Variants in FBXO28 observed in about 807,000 individuals in gnomAD.
FBXO28 encodes the protein F-box only protein 28.
A neutral mutation model predicts 38.1 loss-of-function variants in FBXO28; 8 were observed. That is an observed-to-expected ratio of 0.21 (90% CI 0.12 to 0.38). The LOEUF is 0.38. Among genes scored for constraint, FBXO28 ranks in the 10% least tolerant of loss-of-function variants. FBXO28 has a pLI of 1.00. For missense variants in FBXO28, 345 were observed against 460.6 expected (o/e 0.75, Z 2.30); for synonymous variants, 168 against 173.8 (o/e 0.97, Z 0.26).
chr1:224,129,797 G>A (rs1302986235), intron 1 of FBXO28, among the ~76,000 whole-genome samples: 1 of 152,076 alleles, frequency 6.6e-6, no homozygotes, highest in Admixed American at 6.6e-5. Context: ...AGACCATCCT[G>A]GCTAACACAG....
intron 3 of FBXO28, 82 bp downstream of exon 3, chr1:224,134,294 A>G: frequency 7.2e-7 from 1 of 1,386,184 alleles, no homozygotes; most frequent in South Asian, 1.3e-5. Context: ...GATTTTAGAA[A>G]TGTTAGAATT....
chr1:224,157,754 T>C lies in FBXO28; in HGVS notation c.*8T>C. The C allele has an allele frequency of 6.3e-7, 1 of 1,588,490 alleles. No individual in the cohort carries two copies. Among genetic ancestry groups the C allele is most frequent in the South Asian group, 1.2e-5 (1 of 86,220 alleles). On this transcript the variant is annotated 3_prime_UTR_variant, in exon 5 of 5. Coordinates refer to ENST00000366862, the MANE Select transcript of FBXO28 (RefSeq NM_015176.4). Reference sequence around the variant, plus strand: ...CTTCGGAATAGAAAGTAAATTGGAATGTGGTTCTAGTTCCAGAGGAAGACA... The same window carrying C: ...CTTCGGAATAGAAAGTAAATTGGAACGTGGTTCTAGTTCCAGAGGAAGACA...
intron 1 of FBXO28, among the ~76,000 whole-genome samples, chr1:224,115,869 GA>G (rs1656632322): frequency 6.6e-6 from 1 of 152,106 alleles, no homozygotes; most frequent in Admixed American, 6.6e-5. Flanking sequence ...TAAGTGTTGA[GA>G]AAAACTGAGT....
chr1:224,133,183 CAG>C (rs1247524201), intron 2 of FBXO28, among the ~76,000 whole-genome samples: 5 of 152,134 alleles, frequency 3.3e-5, no homozygotes, highest in Non-Finnish European at 7.3e-5. Context: ...TCCAGAGAAA[CAG>C]AAAGTAGATT....
In FBXO28 at chr1:224,130,476, G is replaced by A; in HGVS notation, c.272G>A (p.Cys91Tyr). 1 of 1,611,024 alleles carries A rather than the reference G, an allele frequency of 6.2e-7. No homozygotes were observed. The highest frequency in any genetic ancestry group is 8.5e-7 in the Non-Finnish European group (1 of 1,177,502). The change falls in exon 2 of 5, where the codon TGT becomes TAT. Residue 91 changes from cysteine (C) to tyrosine (Y), a missense_variant. By Grantham distance (194) the Cys-to-Tyr change is radical. Transcript: ENST00000366862. ...TGTTCTTTTTTCTCCTTGAAGGTTTGTAAAAGAATGGACTTGGTCTGCCAG... is the reference window on the plus strand; with the variant it reads ...TGTTCTTTTTTCTCCTTGAAGGTTTATAAAAGAATGGACTTGGTCTGCCAG... ...YDEISQLRLV[C>Y]KRMDLVCQRM...
At chr1:224,129,677 AATGAG>A (rs1352719610) in intron 1 of FBXO28, among the ~76,000 whole-genome samples, 2 of 152,280 alleles carry the variant, frequency 1.3e-5, no homozygotes, top group Non-Finnish European at 2.9e-5. Flanking sequence ...TTAATTTCTT[AATGAG>A]ATATTTCAGA....
rs943948220 is a variant in FBXO28, at chr1:224,145,469, CA to C, written c.517-7671del. On this transcript the variant is annotated intron_variant, in intron 3 of 4. Coordinates refer to ENST00000366862, the MANE Select transcript of FBXO28 (RefSeq NM_015176.4). ...AAAGTCGGGATTTTCAAGAACCTAT[CA>C]ACATTAAAATGAGGACTTCTGTATA... Among the ~76,000 whole-genome samples, 59 of 152,120 alleles carry C rather than the reference CA, an allele frequency of 3.9e-4. 1 individual carries two copies. The highest frequency in any genetic ancestry group is 1.4e-3 in the African/African-American group (57 of 41,494).
At chr1:224,143,076 G>A (rs555923333) in intron 3 of FBXO28, among the ~76,000 whole-genome samples, 6 of 152,030 alleles carry the variant, frequency 3.9e-5, no homozygotes, top group African/African-American at 1.2e-4. Context: ...GCAAGCGTGC[G>A]GTGGTGCGGG....
At chr1:224,153,057 C>A in intron 3 of FBXO28, 85 bp from the exon 4 acceptor site, 1 of 1,044,334 alleles carries the variant, frequency 9.6e-7, no homozygotes, top group Non-Finnish European at 1.4e-6. Flanking sequence ...AATTGCAAAA[C>A]AAGCAGTTAC....
At chr1:224,156,739 C>T (rs1247589446) in intron 4 of FBXO28, among the ~76,000 whole-genome samples, 1 of 152,184 alleles carries the variant, frequency 6.6e-6, no homozygotes, top group Non-Finnish European at 1.5e-5. Flanking sequence ...GTGGCTCACG[C>T]CTGTAATCCC....
chr1:224,127,040 T>C (rs1008429875), intron 1 of FBXO28, among the ~76,000 whole-genome samples: 3 of 151,920 alleles, frequency 2.0e-5, no homozygotes, highest in Non-Finnish European at 4.4e-5. Flanking sequence ...CCACATGAAG[T>C]TCAGTACTGG....
chr1:224,157,855 C>G lies in FBXO28; in HGVS notation c.*109C>G. 1 of 1,453,818 alleles carries G rather than the reference C, an allele frequency of 6.9e-7. No homozygotes were observed. Among genetic ancestry groups the G allele is most frequent in the Non-Finnish European group, 9.0e-7 (1 of 1,107,292 alleles). The allele number at this position is 1,453,818 out of a possible 1,614,324, so 90.1% of individuals were successfully genotyped here. A position where few individuals can be genotyped will look rare whatever the true frequency, so the allele number is the denominator to read the frequency against. On this transcript the variant is annotated 3_prime_UTR_variant, in exon 5 of 5. Coordinates refer to ENST00000366862, the MANE Select transcript of FBXO28 (RefSeq NM_015176.4). ...GGTGTCCCTTAAGCTTCTAGGCTTT[C>G]AGAACACAACTTAAACTTGAACTCT...
At chr1:224,135,137 A>G (rs1272795875) in intron 3 of FBXO28, among the ~76,000 whole-genome samples, 1 of 152,188 alleles carries the variant, frequency 6.6e-6, no homozygotes, top group Admixed American at 6.5e-5. Flanking sequence ...ATCTTGTTGC[A>G]TACCAACACA....
chr1:224,131,435 A>G (rs1657040106), intron 2 of FBXO28, among the ~76,000 whole-genome samples: 1 of 152,226 alleles, frequency 6.6e-6, no homozygotes, highest in African/African-American at 2.4e-5. Flanking sequence ...GTACAGAGCT[A>G]TAGTAATCAA....
chr1:224,150,037 T>C (rs1425825239), intron 3 of FBXO28, among the ~76,000 whole-genome samples: 2 of 152,218 alleles, frequency 1.3e-5, no homozygotes, highest in African/African-American at 4.8e-5. Context: ...TTAAAAATTA[T>C]GGAAGGCCAG....
chr1:224,145,142 A>G (rs1657467697), intron 3 of FBXO28, among the ~76,000 whole-genome samples: 1 of 151,514 alleles, frequency 6.6e-6, no homozygotes, highest in Non-Finnish European at 1.5e-5. Flanking sequence ...AATAAATACT[A>G]AAATTAGCCG....
intron 3 of FBXO28, among the ~76,000 whole-genome samples, chr1:224,143,125 G>C (rs1287054405): frequency 6.6e-6 from 1 of 150,842 alleles, no homozygotes. Flanking sequence ...TATTAGCCGG[G>C]TGCAGTGGTG....
chr1:224,139,869 G>A (rs35540939), intron 3 of FBXO28, among the ~76,000 whole-genome samples: 21,856 of 152,014 alleles, frequency 0.14, 1,666 homozygotes, highest in Middle Eastern at 0.24. Context: ...CGGGCAGATG[G>A]CTTGAAGCCG....
chr1:224,125,895 C>T lies in FBXO28; in HGVS notation c.268-4577C>T, dbSNP rs143654452. Among the ~76,000 whole-genome samples the T allele has an allele frequency of 1.8e-3, 276 of 152,304 alleles. 2 individuals are homozygous for T. In the East Asian group the frequency reaches 0.025, roughly 14 times the overall value. On this transcript the variant is annotated intron_variant, in intron 1 of 4. Transcript: ENST00000366862. ...CTGCCCACCTCAGCCTCCCAAAGTG[C>T]TGGGATTACAGGCGTGAGCCACTGC...
Sources: gnomAD v4.1 joint callset for allele counts (sites outside exome capture counted in the v4.1 genomes callset) on GRCh38, gnomAD v4.1.1 for gene constraint, MANE v1.5 for transcripts, NCBI Gene and HGNC (gene_info 2026-07-23, HGNC 2026-07-21) for gene names.